SUGCT: variants seen among roughly 807,000 people sequenced by gnomAD.
SUGCT encodes succinyl-CoA:glutarate CoA-transferase.
Under a neutral mutation model 55.0 loss-of-function variants are expected in SUGCT, and 41 were observed. The observed-to-expected ratio is 0.74, with a 90% CI of 0.58 to 0.97. The LOEUF is 0.97. Ranked by LOEUF, SUGCT falls within the 50% of genes least tolerant of loss-of-function variation. The pLI is 0.00. For synonymous variants in SUGCT, 187 were observed against 200.4 expected (o/e 0.93, Z 0.56); for missense variants, 568 against 547.8 (o/e 1.04, Z -0.37).
chr7:40,299,092 A>T (rs986957021), intron 8 of SUGCT, among the ~76,000 whole-genome samples: 3 of 152,216 alleles, frequency 2.0e-5, no homozygotes, highest in Non-Finnish European at 4.4e-5. Context: ...CTTTCAAACA[A>T]GCACAGTGAC....
At chr7:40,708,853 C>G (rs1357687742) in intron 12 of SUGCT, among the ~76,000 whole-genome samples, 1 of 152,136 alleles carries the variant, frequency 6.6e-6, no homozygotes, top group Non-Finnish European at 1.5e-5. Context: ...TTTCTCACCT[C>G]TCTATATCAG....
chr7:40,405,598 C>T (rs1232205568), intron 9 of SUGCT, among the ~76,000 whole-genome samples: 2 of 151,944 alleles, frequency 1.3e-5, no homozygotes, highest in African/African-American at 4.8e-5. Flanking sequence ...TCACTTGAGG[C>T]CAGGTGTTCA....
chr7:41,016,551 A>T, the SUGCT span, among the ~76,000 whole-genome samples: 1 of 152,234 alleles, frequency 6.6e-6, no homozygotes, highest in Non-Finnish European at 1.5e-5. Flanking sequence ...AATCTAAGCA[A>T]CATATATTAG....
At chr7:40,604,162 A>C (rs1798418391) in intron 12 of SUGCT, among the ~76,000 whole-genome samples, 1 of 152,098 alleles carries the variant, frequency 6.6e-6, no homozygotes, top group Non-Finnish European at 1.5e-5. Flanking sequence ...AGGAAGAAAA[A>C]AAGTATTTTG....
intron 12 of SUGCT, among the ~76,000 whole-genome samples, chr7:40,524,115 A>G (rs1793689868): frequency 6.6e-6 from 1 of 152,124 alleles, no homozygotes; most frequent in Non-Finnish European, 1.5e-5. Context: ...TTGCACATTT[A>G]CTTTACCCTT....
At chr7:40,759,642 G>A (rs1788435923) in intron 13 of SUGCT, among the ~76,000 whole-genome samples, 1 of 145,724 alleles carries the variant, frequency 6.9e-6, no homozygotes, top group African/African-American at 2.5e-5. Context: ...CAACTATTGA[G>A]TTTTTTTTTT....
chr7:40,522,117 T>G (rs1387938601), intron 12 of SUGCT, among the ~76,000 whole-genome samples: 1 of 152,122 alleles, frequency 6.6e-6, no homozygotes, highest in Non-Finnish European at 1.5e-5. Context: ...GTTTTTCTGC[T>G]TTCTGTTCAT....
At chr7:40,866,698 G>A in the SUGCT span, among the ~76,000 whole-genome samples, 1 of 151,806 alleles carries the variant, frequency 6.6e-6, no homozygotes, top group Admixed American at 6.6e-5. Flanking sequence ...TTTCCCATAT[G>A]CTGAGTCCCA....
intron 8 of SUGCT, among the ~76,000 whole-genome samples, chr7:40,282,052 CT>C (rs1308890991): frequency 6.6e-6 from 1 of 152,126 alleles, no homozygotes; most frequent in African/African-American, 2.4e-5. Context: ...AACTCCTGAC[CT>C]CAAGAGTGCT....
At chr7:40,466,028 C>A (rs1172321839) in intron 11 of SUGCT, among the ~76,000 whole-genome samples, 2 of 152,098 alleles carry the variant, frequency 1.3e-5, no homozygotes, top group Non-Finnish European at 2.9e-5. Context: ...ACTACAGATG[C>A]AAGCCACCAT....
intron 8 of SUGCT, among the ~76,000 whole-genome samples, chr7:40,284,626 AT>A (rs1488732843): frequency 1.3e-5 from 2 of 151,402 alleles, no homozygotes; most frequent in African/African-American, 2.4e-5. Context: ...AAAAAAAAAA[AT>A]GAGGTGATGT....
At chr7:40,741,888 T>A (rs1485359081) in intron 12 of SUGCT, among the ~76,000 whole-genome samples, 1 of 152,106 alleles carries the variant, frequency 6.6e-6, no homozygotes, top group East Asian at 1.9e-4. Flanking sequence ...AACTAAATAT[T>A]TGGAGTATAT....
At chr7:40,180,317 C>T (rs1021738049) in intron 1 of SUGCT, among the ~76,000 whole-genome samples, 3 of 151,772 alleles carry the variant, frequency 2.0e-5, no homozygotes, top group African/African-American at 4.8e-5. Context: ...TGGGATTTAC[C>T]AAGTTGGCCA....
At position 40,322,623 on chromosome 7, in the gene SUGCT, C is replaced by G. The variant is rs1795814538; in HGVS notation, c.816+5768C>G. On this transcript the variant is annotated intron_variant, in intron 9 of 13. Transcript: ENST00000335693. ...TTGCCCTCATGACAGGGTAAATTGC[C>G]CAAGAGGCCGGTCTTGAGAATAAGA... 3.3e-5 allele frequency among the ~76,000 whole-genome samples: 5 copies of G among 152,194 alleles called. No homozygotes were observed. The South Asian group carries it at 1.0e-3, about 32-fold the overall frequency.
chr7:40,489,122 C>A (rs1472169613), intron 11 of SUGCT, among the ~76,000 whole-genome samples: 3 of 152,090 alleles, frequency 2.0e-5, no homozygotes, highest in Admixed American at 1.3e-4. Context: ...TCTCATACCT[C>A]CATTAAGCAT....
At chr7:40,474,456 C>G (rs575389986) in intron 11 of SUGCT, among the ~76,000 whole-genome samples, 1 of 152,152 alleles carries the variant, frequency 6.6e-6, no homozygotes, top group African/African-American at 2.4e-5. Context: ...GGGCATTTAT[C>G]CCCCAACTAC....
chr7:40,984,826 A>T, the SUGCT span, among the ~76,000 whole-genome samples: 3 of 152,112 alleles, frequency 2.0e-5, no homozygotes, highest in African/African-American at 7.2e-5. Flanking sequence ...CTCCTGTAAG[A>T]TTGTACTTCT....
chr7:40,421,809 G>A (rs3890852), intron 9 of SUGCT, among the ~76,000 whole-genome samples: 392 of 152,276 alleles, frequency 2.6e-3, no homozygotes, highest in Middle Eastern at 0.017. Context: ...TTAGGACTGT[G>A]TACTCACTGA....
the SUGCT span, among the ~76,000 whole-genome samples, chr7:40,940,923 T>C: frequency 4.1e-4 from 63 of 152,256 alleles, no homozygotes; most frequent in Middle Eastern, 0.01. Context: ...ATAGAAATGG[T>C]GAAAGTGGGT....
Sources: allele counts gnomAD v4.1 joint callset (sites outside exome capture counted in the v4.1 genomes callset), GRCh38; gene constraint gnomAD v4.1.1; transcripts MANE v1.5; gene names NCBI Gene and HGNC (gene_info 2026-07-23, HGNC 2026-07-21).